The following KPNA3 variants were observed in gnomAD, a reference collection of about 807,000 sequenced individuals.
KPNA3 encodes the protein karyopherin subunit alpha 3.
Under a neutral mutation model 73.8 loss-of-function variants are expected in KPNA3, and 13 were observed. The observed-to-expected ratio is 0.18, with a 90% CI of 0.11 to 0.28. The LOEUF (loss-of-function observed/expected upper bound fraction) is 0.28. Ranked by LOEUF, KPNA3 falls within the 10% of genes least tolerant of loss-of-function variation. The pLI, the probability that KPNA3 is intolerant of heterozygous loss-of-function variation, is 1.00. For missense variants in KPNA3, 360 were observed against 618.1 expected (o/e 0.58, Z 4.43); for synonymous variants, 186 against 206.9 (o/e 0.90, Z 0.87).
At chr13:49,760,535 G>A (rs1954750337) in intron 1 of KPNA3, among the ~76,000 whole-genome samples, 1 of 151,890 alleles carries the variant, frequency 6.6e-6, no homozygotes, top group Non-Finnish European at 1.5e-5. Flanking sequence ...AAATTAAAAA[G>A]GAGACTTTGA....
intron 2 of KPNA3, among the ~76,000 whole-genome samples, chr13:49,742,979 C>T (rs1437546263): frequency 1.3e-5 from 2 of 151,242 alleles, no homozygotes; most frequent in Non-Finnish European, 3.0e-5. Context: ...ACTACATAGC[C>T]ACAATGTGAT....
chr13:49,734,922 CATATAT>C (rs200073617), intron 2 of KPNA3, among the ~76,000 whole-genome samples: 2 of 126,080 alleles, frequency 1.6e-5, no homozygotes, highest in African/African-American at 5.3e-5. Context: ...TATACACACA[CATATAT>C]ATATATATAT....
rs774560885 is a variant in KPNA3, at chr13:49,701,530, G to A, written c.*270C>T. 8.6e-5 allele frequency: 47 copies of A among 544,398 alleles called. 1 individual carries two copies. Among genetic ancestry groups the A allele is most frequent in the South Asian group, 3.7e-4 (24 of 65,444 alleles). The allele number at this position is 544,398 out of a possible 1,614,324, so 33.7% of individuals were successfully genotyped here. ...AACTGGAGACTGCAGTTGTCAGCCT[G>A]TGGCACCAGGGAACAGGGAAAAATA... On this transcript the variant is annotated 3_prime_UTR_variant, in exon 17 of 17. Coordinates refer to ENST00000261667, the MANE Select transcript of KPNA3 (RefSeq NM_002267.4).
At chr13:49,721,508 GGT>G (rs1954357137) in intron 9 of KPNA3, among the ~76,000 whole-genome samples, 1 of 152,006 alleles carries the variant, frequency 6.6e-6, no homozygotes, top group African/African-American at 2.4e-5. Flanking sequence ...AATTAAATAT[GGT>G]ACGTTACTTT....
chr13:49,766,898 A>T (rs1341853871), intron 1 of KPNA3, among the ~76,000 whole-genome samples: 2 of 152,092 alleles, frequency 1.3e-5, no homozygotes, highest in Non-Finnish European at 1.5e-5. Flanking sequence ...GAATTTTTTT[A>T]AAAAATTAAG....
chr13:49,791,204 A>G (rs1955030159), intron 1 of KPNA3, among the ~76,000 whole-genome samples: 1 of 152,242 alleles, frequency 6.6e-6, no homozygotes, highest in Admixed American at 6.5e-5. Flanking sequence ...ACTGAATGGT[A>G]TATTTACCCC....
At chr13:49,727,638 T>C (rs761393990) in intron 6 of KPNA3, among the ~76,000 whole-genome samples, 1 of 152,022 alleles carries the variant, frequency 6.6e-6, no homozygotes, top group Non-Finnish European at 1.5e-5. Context: ...TAAAAATGTG[T>C]ATTATGAAAA....
intron 12 of KPNA3, among the ~76,000 whole-genome samples, chr13:49,708,614 G>A (rs1954230547): frequency 1.3e-5 from 2 of 152,190 alleles, no homozygotes; most frequent in African/African-American, 2.4e-5. Context: ...GTGAAAAGGT[G>A]GAAACAACCG....
intron 1 of KPNA3, among the ~76,000 whole-genome samples, chr13:49,758,586 A>T (rs1048441169): frequency 6.6e-6 from 1 of 152,188 alleles, no homozygotes; most frequent in South Asian, 2.1e-4. Context: ...GTCAGAAAAA[A>T]ACAGGAAGTT....
intron 1 of KPNA3, among the ~76,000 whole-genome samples, chr13:49,772,749 G>C (rs1954865413): frequency 6.6e-6 from 1 of 152,198 alleles, no homozygotes; most frequent in Non-Finnish European, 1.5e-5. Flanking sequence ...GCTGCAATGA[G>C]CTGAGATCAT....
chr13:49,745,473 C>T (rs1295111422), intron 2 of KPNA3, among the ~76,000 whole-genome samples: 3 of 151,718 alleles, frequency 2.0e-5, no homozygotes, highest in South Asian at 4.2e-4. Context: ...AATTCTCCAG[C>T]CTCAGCCTCC....
At chr13:49,716,103 G>C (rs1954302091) in intron 10 of KPNA3, among the ~76,000 whole-genome samples, 1 of 152,144 alleles carries the variant, frequency 6.6e-6, no homozygotes, top group African/African-American at 2.4e-5. Context: ...AAGGCTGGGA[G>C]AAGATAAGCT....
At chr13:49,776,714 T>C (rs1488777339) in intron 1 of KPNA3, among the ~76,000 whole-genome samples, 1 of 152,200 alleles carries the variant, frequency 6.6e-6, no homozygotes, top group East Asian at 1.9e-4. Context: ...TATTGAAAAA[T>C]GCTTCTATCC....
chr13:49,792,587 G>A lies in KPNA3; in HGVS notation c.-81C>T, dbSNP rs1236285944. 3.8e-5 allele frequency: 25 copies of A among 657,386 alleles called. No individual in the cohort carries two copies. Among genetic ancestry groups the A allele is most frequent in the Non-Finnish European group, 5.5e-5 (23 of 420,380 alleles). 40.7% of individuals were successfully genotyped at this position (657,386 alleles called of 1,614,324 possible). A position where few individuals can be genotyped will look rare whatever the true frequency, so the allele number is the denominator to read the frequency against. ...GAATCTTGGAGCGGGAGGGGGAGGA[G>A]GGGGAGAGCGGGAGGGGGGAGGGGA... On this transcript the variant is annotated 5_prime_UTR_variant, in exon 1 of 17. Transcript: ENST00000261667.
chr13:49,766,114 A>AG (rs1954805853), intron 1 of KPNA3, among the ~76,000 whole-genome samples: 2 of 152,232 alleles, frequency 1.3e-5, no homozygotes, highest in Admixed American at 1.3e-4. Flanking sequence ...AGTAGTTCCA[A>AG]GAATTAAATA....
chr13:49,710,778 G>T lies in KPNA3; in HGVS notation c.903+113C>A, dbSNP rs1374490504. 6.3e-6 allele frequency: 6 copies of T among 950,756 alleles called. No individual in the cohort carries two copies. In the African/African-American group the frequency reaches 8.2e-5, roughly 13 times the overall value. 58.9% of individuals were successfully genotyped at this position (950,756 alleles called of 1,614,324 possible). A position where few individuals can be genotyped will look rare whatever the true frequency, so the allele number is the denominator to read the frequency against. On this transcript the variant is annotated intron_variant, in intron 11 of 16. Transcript: ENST00000261667. ...ACAAAATCAGGCTCAGGGACTAGCAGAAGAAATGTGGAAGATAAGCACTTA... is the reference window on the plus strand; with the variant it reads ...ACAAAATCAGGCTCAGGGACTAGCATAAGAAATGTGGAAGATAAGCACTTA...
At chr13:49,749,405 C>T (rs11619921) in intron 1 of KPNA3, among the ~76,000 whole-genome samples, 5 of 152,158 alleles carry the variant, frequency 3.3e-5, no homozygotes, top group South Asian at 2.1e-4. Context: ...TCAAGATATA[C>T]GAATTGACTA....
chr13:49,717,557 TCCC>T (rs1954316497), intron 10 of KPNA3, among the ~76,000 whole-genome samples: 1 of 152,126 alleles, frequency 6.6e-6, no homozygotes, highest in Non-Finnish European at 1.5e-5. Context: ...CTTAATATCT[TCCC>T]CCGTGTTCTT....
chr13:49,788,488 G>GGCAGGAGGATAACTTGAGCTA (rs1311004289), intron 1 of KPNA3, among the ~76,000 whole-genome samples: 1 of 152,124 alleles, frequency 6.6e-6, no homozygotes, highest in Non-Finnish European at 1.5e-5. Flanking sequence ...TAGAGGCCAA[G>GGCAGGAGGATAACTTGAGCTA]GCAGGAGGAT....
Sources: gnomAD v4.1 joint callset for allele counts (sites outside exome capture counted in the v4.1 genomes callset) on GRCh38, gnomAD v4.1.1 for gene constraint, MANE v1.5 for transcripts, NCBI Gene and HGNC (gene_info 2026-07-23, HGNC 2026-07-21) for gene names.